VPS41: variants seen among roughly 807,000 people sequenced by gnomAD.
The protein encoded by VPS41 is vacuolar protein sorting-associated protein 41 homolog.
VPS41 carries 85 observed loss-of-function variants against 130.9 expected under a neutral mutation model. The observed-to-expected ratio is 0.65, with a 90% CI of 0.55 to 0.78. VPS41 has a LOEUF of 0.78. Among genes scored for constraint, VPS41 ranks in the 30% least tolerant of loss-of-function variants. The pLI is 0.00. For synonymous variants in VPS41, 335 were observed against 332.9 expected (o/e 1.01, Z -0.07); for missense variants, 874 against 1,018.7 (o/e 0.86, Z 1.93).
chr7:38,893,942 T>G (rs1356985846), intron 2 of VPS41, among the ~76,000 whole-genome samples: 2 of 152,100 alleles, frequency 1.3e-5, no homozygotes, highest in African/African-American at 4.8e-5. Flanking sequence ...AATAAGACCT[T>G]CAGATAAATT....
At chr7:38,750,311 C>T (rs978760330) in intron 22 of VPS41, among the ~76,000 whole-genome samples, 1 of 152,136 alleles carries the variant, frequency 6.6e-6, no homozygotes, top group Non-Finnish European at 1.5e-5. Flanking sequence ...TAGGTCCTGA[C>T]AAACAGATAA....
At position 38,767,591 on chromosome 7, in the gene VPS41, C is replaced by A; in HGVS notation, c.1193G>T (p.Gly398Val). 2 of 1,609,106 alleles carry A rather than the reference C, an allele frequency of 1.2e-6. No homozygotes were observed. The highest frequency in any genetic ancestry group is 1.7e-6 in the Non-Finnish European group (2 of 1,176,970). The change falls in exon 15 of 29, where the codon GGC (glycine) becomes GTC (valine). Residue 398 changes from glycine to valine, a missense_variant. Gly to Val is a moderately radical substitution (Grantham distance 109). Coordinates refer to ENST00000310301, the MANE Select transcript of VPS41 (RefSeq NM_014396.4). Reference protein sequence around the residue: ...NIKRHKILDIGLAYINHLVER... With the variant: ...NIKRHKILDIVLAYINHLVER... Reference sequence around the variant, plus strand: ...CACCAGGTGATTTATATATGCCAAGCCAATATCCTAGAGAAAGCCAAATGA... The same window carrying A: ...CACCAGGTGATTTATATATGCCAAGACAATATCCTAGAGAAAGCCAAATGA...
chr7:38,767,903 G>A (rs1009861262), intron 14 of VPS41, among the ~76,000 whole-genome samples: 2 of 151,830 alleles, frequency 1.3e-5, no homozygotes, highest in East Asian at 1.9e-4. Context: ...GGAGGTATTC[G>A]ATATTAGAAA....
intron 8 of VPS41, among the ~76,000 whole-genome samples, chr7:38,796,216 T>A (rs749595579): frequency 2.6e-5 from 4 of 152,224 alleles, no homozygotes; most frequent in Non-Finnish European, 5.9e-5. Flanking sequence ...TCAAAAGATA[T>A]GCCAGATGTC....
At chr7:38,908,695 CGCAACAGT>C (rs144409043) in intron 1 of VPS41, among the ~76,000 whole-genome samples, 89 of 152,312 alleles carry the variant, frequency 5.8e-4, no homozygotes, top group African/African-American at 2.0e-3. Context: ...CCTGCTGCAC[CGCAACAGT>C]GCTCCAGCTC....
intron 10 of VPS41, among the ~76,000 whole-genome samples, chr7:38,783,258 C>T (rs1221522051): frequency 6.6e-6 from 1 of 151,618 alleles, no homozygotes; most frequent in African/African-American, 2.4e-5. Context: ...ATAATTAGGC[C>T]AGGTGTGGTG....
chr7:38,829,735 A>G (rs1164820409), intron 5 of VPS41, among the ~76,000 whole-genome samples: 1 of 152,218 alleles, frequency 6.6e-6, no homozygotes, highest in Non-Finnish European at 1.5e-5. Flanking sequence ...AGAAAACTGT[A>G]CATATATTGA....
chr7:38,821,706 C>CAAAAAAAA (rs10669199), intron 5 of VPS41, among the ~76,000 whole-genome samples: 7 of 117,054 alleles, frequency 6.0e-5, no homozygotes, highest in South Asian at 6.1e-4. Flanking sequence ...GACTCCGTCT[C>CAAAAAAAA]AAAAAAAAAA....
At chr7:38,729,892 G>A (rs886768844) in intron 25 of VPS41, among the ~76,000 whole-genome samples, 5 of 152,174 alleles carry the variant, frequency 3.3e-5, no homozygotes, top group African/African-American at 4.8e-5. Context: ...TCCAGGAGGT[G>A]TGCATAAGCC....
intron 3 of VPS41, among the ~76,000 whole-genome samples, chr7:38,864,652 C>CA (rs932253309): frequency 5.9e-5 from 9 of 152,010 alleles, no homozygotes; most frequent in African/African-American, 1.9e-4. Flanking sequence ...TAAAATATAA[C>CA]AAAAAATGCA....
intron 4 of VPS41, among the ~76,000 whole-genome samples, chr7:38,833,969 C>T (rs1161574475): frequency 6.6e-6 from 1 of 151,892 alleles, no homozygotes. Context: ...AGAGAAAATC[C>T]AAGTTTATTC....
intron 2 of VPS41, among the ~76,000 whole-genome samples, chr7:38,891,256 T>TA (rs562958871): frequency 2.6e-5 from 4 of 152,030 alleles, no homozygotes; most frequent in Admixed American, 6.6e-5. Flanking sequence ...TATGTTTTGC[T>TA]AAAAAAAAGT....
intron 10 of VPS41, among the ~76,000 whole-genome samples, chr7:38,782,305 TG>T (rs1281032276): frequency 6.6e-6 from 1 of 152,214 alleles, no homozygotes; most frequent in Non-Finnish European, 1.5e-5. Flanking sequence ...GAATGCCAAC[TG>T]GCTATCTTGG....
intron 2 of VPS41, among the ~76,000 whole-genome samples, chr7:38,880,177 C>A (rs989731588): frequency 6.6e-6 from 1 of 152,072 alleles, no homozygotes; most frequent in Non-Finnish European, 1.5e-5. Flanking sequence ...ACTAAAAATA[C>A]AGCCATGATG....
chr7:38,858,320 C>G (rs1274610869), intron 4 of VPS41, among the ~76,000 whole-genome samples: 1 of 152,186 alleles, frequency 6.6e-6, no homozygotes, highest in African/African-American at 2.4e-5. Context: ...AGTTTGGAAT[C>G]TGGTATCTTA....
chr7:38,743,665 T>C (rs921469598), intron 23 of VPS41, 123 bp from the exon 24 acceptor site: 3 of 1,091,610 alleles, frequency 2.7e-6, no homozygotes, highest in Middle Eastern at 2.2e-4. Context: ...TATTTTCTCA[T>C]GTGACACCAA....
intron 2 of VPS41, among the ~76,000 whole-genome samples, chr7:38,874,713 C>A (rs930034188): frequency 6.6e-6 from 1 of 152,092 alleles, no homozygotes; most frequent in African/African-American, 2.4e-5. Context: ...GTTTGAACTT[C>A]CACAGTAAAA....
chr7:38,787,662 G>C (rs942926733), intron 10 of VPS41, among the ~76,000 whole-genome samples: 2 of 152,156 alleles, frequency 1.3e-5, no homozygotes, highest in African/African-American at 4.8e-5. Flanking sequence ...ACAGCCATAC[G>C]TATTTCTTTA....
chr7:38,853,731 T>C (rs899166124), intron 4 of VPS41, among the ~76,000 whole-genome samples: 1 of 152,238 alleles, frequency 6.6e-6, no homozygotes, highest in Non-Finnish European at 1.5e-5. Context: ...CAGAGTCATG[T>C]TCCACAAAGT....
Sources: gnomAD v4.1 joint callset for allele counts (sites outside exome capture counted in the v4.1 genomes callset) on GRCh38, gnomAD v4.1.1 for gene constraint, MANE v1.5 for transcripts, NCBI Gene and HGNC (gene_info 2026-07-23, HGNC 2026-07-21) for gene names.